THADA: variants seen among roughly 807,000 people sequenced by gnomAD.
The protein encoded by THADA is THADA armadillo repeat containing.
THADA carries 213 observed loss-of-function variants against 219.8 expected under a neutral mutation model. The observed-to-expected ratio is 0.97, with a 90% CI of 0.87 to 1.09. The LOEUF is 1.09. Ranked by LOEUF, THADA falls within the 50% of genes least tolerant of loss-of-function variation. The pLI is 0.00. For synonymous variants in THADA, 1,018 were observed against 828.9 expected, an observed-to-expected ratio of 1.23 and a Z score of -3.92; for missense variants, 2,956 against 2,311.3, an observed-to-expected ratio of 1.28 and a Z score of -5.72.
chr2:43,457,319 T>A (rs1401869313), intron 26 of THADA, among the ~76,000 whole-genome samples: 1 of 152,160 alleles, frequency 6.6e-6, no homozygotes, highest in Non-Finnish European at 1.5e-5. Context: ...AAGTAGACAC[T>A]TCTGTGAACA....
intron 22 of THADA, 131 bp downstream of exon 22, chr2:43,527,748 C>T: frequency 3.5e-6 from 2 of 577,708 alleles, no homozygotes; most frequent in Non-Finnish European, 5.9e-6. Context: ...AAAACAATTT[C>T]TTCCAAGAGT....
intron 26 of THADA, among the ~76,000 whole-genome samples, chr2:43,469,401 T>C (rs1448714015): frequency 1.3e-5 from 2 of 151,866 alleles, no homozygotes; most frequent in Admixed American, 1.3e-4. Flanking sequence ...CCGAAGAAAA[T>C]ACAATTAACC....
intron 35 of THADA, among the ~76,000 whole-genome samples, chr2:43,286,479 A>C (rs996903867): frequency 1.3e-5 from 2 of 152,146 alleles, no homozygotes; most frequent in Non-Finnish European, 2.9e-5. Flanking sequence ...GGTGGCTCAC[A>C]CCTGTAATCC....
intron 22 of THADA, among the ~76,000 whole-genome samples, chr2:43,510,990 T>TA (rs71892144): frequency 3.8e-4 from 53 of 140,828 alleles, no homozygotes; most frequent in Admixed American, 1.4e-3. Flanking sequence ...TAAAAAAATT[T>TA]AAAAAAAAAA....
At chr2:43,279,345 T>G (rs1209305165) in intron 36 of THADA, among the ~76,000 whole-genome samples, 3 of 152,164 alleles carry the variant, frequency 2.0e-5, no homozygotes, top group African/African-American at 7.2e-5. Flanking sequence ...CTGTCACATA[T>G]AAAAACTCAG....
chr2:43,566,647 T>A (rs746351860), intron 15 of THADA, 51 bp downstream of exon 15: 3 of 1,585,416 alleles, frequency 1.9e-6, no homozygotes, highest in South Asian at 1.1e-5. Context: ...AGAATAAGTA[T>A]GTTTTGAAAG....
chr2:43,452,765 G>C (rs1277089536), intron 26 of THADA, among the ~76,000 whole-genome samples: 1 of 152,158 alleles, frequency 6.6e-6, no homozygotes, highest in Non-Finnish European at 1.5e-5. Context: ...CAGCTAAACT[G>C]ATCTTTTAAA....
At chr2:43,373,185 G>A (rs1323368993) in intron 29 of THADA, among the ~76,000 whole-genome samples, 1 of 152,178 alleles carries the variant, frequency 6.6e-6, no homozygotes, top group Non-Finnish European at 1.5e-5. Flanking sequence ...AAGGTTAAAT[G>A]TTAGGGGAGT....
At chr2:43,529,453 CCTT>C (rs1359671526) in intron 21 of THADA, among the ~76,000 whole-genome samples, 3 of 152,150 alleles carry the variant, frequency 2.0e-5, no homozygotes, top group African/African-American at 7.2e-5. Flanking sequence ...CCCAAGGAGT[CCTT>C]CTGCATCAGC....
At chr2:43,273,986 A>C (rs1033216334) in intron 36 of THADA, among the ~76,000 whole-genome samples, 16 of 151,950 alleles carry the variant, frequency 1.1e-4, no homozygotes, top group African/African-American at 3.4e-4. Context: ...CCACTTGCCT[A>C]CTGCTCCCTC....
At chr2:43,517,786 G>T (rs1265344745) in intron 22 of THADA, among the ~76,000 whole-genome samples, 1 of 152,022 alleles carries the variant, frequency 6.6e-6, no homozygotes, top group East Asian at 1.9e-4. Flanking sequence ...ATATACATGT[G>T]GTTGGAGACT....
chr2:43,502,590 AAAAAAAAAAAAAGAAAGAAAG>A, intron 24 of THADA, among the ~76,000 whole-genome samples: 1 of 149,044 alleles, frequency 6.7e-6, no homozygotes, highest in Non-Finnish European at 1.5e-5. Flanking sequence ...GTCTCAAAAA[AAAAAAAAAAAAAGAAAGAAAG>A]AAAAAGAAAA....
chr2:43,295,868 G>T (rs1675306481), intron 31 of THADA, among the ~76,000 whole-genome samples: 3 of 151,494 alleles, frequency 2.0e-5, no homozygotes, highest in Non-Finnish European at 4.4e-5. Context: ...GCTCCAACAT[G>T]ATGGGACCCC....
At chr2:43,478,111 CT>C (rs1350702615) in intron 26 of THADA, among the ~76,000 whole-genome samples, 1 of 152,146 alleles carries the variant, frequency 6.6e-6, no homozygotes, top group Non-Finnish European at 1.5e-5. Flanking sequence ...TGGTAAACTC[CT>C]TGAAATCTCA....
intron 36 of THADA, among the ~76,000 whole-genome samples, chr2:43,242,461 GACTCCAGC>G (rs1442553063): frequency 6.6e-6 from 1 of 152,092 alleles, no homozygotes; most frequent in Non-Finnish European, 1.5e-5. Context: ...AGGCTTATCT[GACTCCAGC>G]ACTCCAGCAC....
At chr2:43,415,881 ATC>A (rs949781676) in intron 28 of THADA, among the ~76,000 whole-genome samples, 2 of 147,664 alleles carry the variant, frequency 1.4e-5, no homozygotes, top group Non-Finnish European at 3.0e-5. Flanking sequence ...CAGAATGCAA[ATC>A]TCTCTCTAGT....
At chr2:43,244,658 T>A (rs1668947771) in intron 36 of THADA, among the ~76,000 whole-genome samples, 1 of 152,216 alleles carries the variant, frequency 6.6e-6, no homozygotes, top group Non-Finnish European at 1.5e-5. Flanking sequence ...TGGCCTGCAT[T>A]TGGCATTCTT....
chr2:43,569,240 G>A (rs1278491263), intron 14 of THADA, among the ~76,000 whole-genome samples: 2 of 152,278 alleles, frequency 1.3e-5, no homozygotes, highest in African/African-American at 2.4e-5. Context: ...ACCTCCCAAA[G>A]TGCTGAGATT....
At chr2:43,535,854 C>G (rs1437064653) in intron 21 of THADA, among the ~76,000 whole-genome samples, 3 of 151,984 alleles carry the variant, frequency 2.0e-5, no homozygotes, top group African/African-American at 7.3e-5. Context: ...CTGACACTCG[C>G]TCTGTCACCA....
Sources: gnomAD v4.1 joint callset for allele counts (sites outside exome capture counted in the v4.1 genomes callset) on GRCh38, gnomAD v4.1.1 for gene constraint, MANE v1.5 for transcripts, NCBI Gene and HGNC (gene_info 2026-07-23, HGNC 2026-07-21) for gene names.